The following DPP10 variants were observed in gnomAD, a reference collection of about 807,000 sequenced individuals.
The protein encoded by DPP10 is inactive dipeptidyl peptidase 10.
Under a neutral mutation model 120.9 loss-of-function variants are expected in DPP10, and 33 were observed. That is an observed-to-expected ratio of 0.27 (90% CI 0.21 to 0.37). The LOEUF is 0.37. Ranked by LOEUF, DPP10 falls within the 10% of genes least tolerant of loss-of-function variation. DPP10 has a pLI of 1.00. For synonymous variants in DPP10, 337 were observed against 326.1 expected, an observed-to-expected ratio of 1.03 and a Z score of -0.36; for missense variants, 816 against 942.8, an observed-to-expected ratio of 0.87 and a Z score of 1.76.
chr2:114,973,010 GT>G (rs1397490129), intron 1 of DPP10, among the ~76,000 whole-genome samples: 1 of 151,990 alleles, frequency 6.6e-6, no homozygotes, highest in African/African-American at 2.4e-5. Context: ...TTGTAATTTT[GT>G]TTATTTATTT....
chr2:115,460,635 A>T (rs10864940), intron 3 of DPP10, among the ~76,000 whole-genome samples: 1 of 151,888 alleles, frequency 6.6e-6, no homozygotes, highest in Non-Finnish European at 1.5e-5. Flanking sequence ...GTAGAGTTAC[A>T]TGATATTGTC....
Position 115,728,024 on chromosome 2 carries a change from A to G in DPP10, c.697+88A>G, listed in dbSNP as rs966974774. 4 of 1,420,158 alleles carry G rather than the reference A, an allele frequency of 2.8e-6. No homozygotes were observed. In the African/African-American group the frequency reaches 4.4e-5, roughly 16 times the overall value. The allele number at this position is 1,420,158 out of a possible 1,614,324, so 88.0% of individuals were successfully genotyped here. ...AAAAAAATCTATTCATTCCGGAGCA[A>G]TACTTACAGTACAGTTTCTTCTCAT... On this transcript the variant is annotated intron_variant, in intron 8 of 25. Coordinates refer to ENST00000410059, the MANE Select transcript of DPP10 (RefSeq NM_020868.6).
At chr2:114,548,010 T>C (rs1687562635) in intron 1 of DPP10, among the ~76,000 whole-genome samples, 1 of 152,076 alleles carries the variant, frequency 6.6e-6, no homozygotes, top group African/African-American at 2.4e-5. Flanking sequence ...GGACCACAGT[T>C]GACGTGGTCC....
intron 1 of DPP10, among the ~76,000 whole-genome samples, chr2:115,084,472 A>C (rs889072671): frequency 6.6e-6 from 1 of 152,242 alleles, no homozygotes; most frequent in Admixed American, 6.5e-5. Flanking sequence ...ATCTGACAAA[A>C]GGTTGTCAAG....
At chr2:115,251,316 A>C (rs2058740668) in intron 1 of DPP10, among the ~76,000 whole-genome samples, 1 of 152,182 alleles carries the variant, frequency 6.6e-6, no homozygotes, top group South Asian at 2.1e-4. Flanking sequence ...TGAGGCTGTC[A>C]CTGCCAAACA....
chr2:114,671,042 C>T (rs950091492), intron 1 of DPP10, among the ~76,000 whole-genome samples: 2 of 152,044 alleles, frequency 1.3e-5, no homozygotes, highest in Non-Finnish European at 2.9e-5. Flanking sequence ...CTGGAAATTA[C>T]AAGAATAAAA....
chr2:114,888,421 G>A (rs1346642314), intron 1 of DPP10, among the ~76,000 whole-genome samples: 1 of 151,970 alleles, frequency 6.6e-6, no homozygotes, highest in African/African-American at 2.4e-5. Context: ...CAAAATGACA[G>A]TTCTCAAAAA....
intron 3 of DPP10, among the ~76,000 whole-genome samples, chr2:115,435,506 T>C (rs1589085): frequency 0.6 from 90,671 of 151,380 alleles, 28,409 homozygotes; most frequent in Middle Eastern, 0.74. Context: ...TTTTGAGAAA[T>C]GTCTGTTCGG....
At position 114,829,873 on chromosome 2, in the gene DPP10, C is replaced by G. The variant is rs569992104; in HGVS notation, c.60+387035C>G. On this transcript the variant is annotated intron_variant, in intron 1 of 25. Coordinates refer to ENST00000410059, the MANE Select transcript of DPP10 (RefSeq NM_020868.6). ...CGTTTCCTTAAAAGAACACCCATTT[C>G]AGAACCCGTGTCGTCTCTTTTTCTT... 5.8e-4 allele frequency among the ~76,000 whole-genome samples: 89 copies of G among 152,248 alleles called. 1 individual carries two copies. The highest frequency in any genetic ancestry group is 2.9e-5 in the Non-Finnish European group (2 of 68,022).
intron 1 of DPP10, among the ~76,000 whole-genome samples, chr2:114,933,997 T>C (rs978991170): frequency 2.6e-5 from 4 of 152,224 alleles, no homozygotes; most frequent in Non-Finnish European, 4.4e-5. Flanking sequence ...GCTATTATTC[T>C]GAAACAGAAA....
chr2:115,138,189 A>AT (rs970296292), intron 1 of DPP10, among the ~76,000 whole-genome samples: 66 of 149,800 alleles, frequency 4.4e-4, no homozygotes, highest in African/African-American at 1.3e-3. Flanking sequence ...AAGCTTATCA[A>AT]TTTTTTTTTT....
chr2:115,777,354 C>CT, intron 14 of DPP10, 55 bp downstream of exon 14: 2 of 1,436,834 alleles, frequency 1.4e-6, no homozygotes, highest in African/African-American at 2.8e-5. Context: ...CAAATGCCAT[C>CT]TTTTCTAATA....
intron 7 of DPP10, among the ~76,000 whole-genome samples, chr2:115,720,146 C>T (rs2092608797): frequency 6.6e-6 from 1 of 152,140 alleles, no homozygotes; most frequent in Non-Finnish European, 1.5e-5. Flanking sequence ...TTTATTCTCC[C>T]ACCAGCAGTG....
chr2:115,629,218 G>A (rs1392361978), intron 5 of DPP10, among the ~76,000 whole-genome samples: 1 of 152,068 alleles, frequency 6.6e-6, no homozygotes, highest in African/African-American at 2.4e-5. Flanking sequence ...TCTATCATTG[G>A]TGGACATTTG....
intron 5 of DPP10, among the ~76,000 whole-genome samples, chr2:115,685,307 G>A (rs1417750508): frequency 6.6e-6 from 1 of 151,774 alleles, no homozygotes; most frequent in African/African-American, 2.4e-5. Context: ...AAATCACTTC[G>A]ACTAAGTCAA....
At chr2:115,568,237 C>T (rs2081125910) in intron 5 of DPP10, among the ~76,000 whole-genome samples, 1 of 150,962 alleles carries the variant, frequency 6.6e-6, no homozygotes, top group Non-Finnish European at 1.5e-5. Flanking sequence ...GTAATCCCAG[C>T]ACTGTGGGAG....
At chr2:114,880,695 T>C (rs1254677496) in intron 1 of DPP10, among the ~76,000 whole-genome samples, 2 of 151,974 alleles carry the variant, frequency 1.3e-5, no homozygotes, top group African/African-American at 4.8e-5. Context: ...TATAAAATGG[T>C]GAGGAAATAT....
At chr2:115,733,088 G>A (rs1162884079) in intron 8 of DPP10, among the ~76,000 whole-genome samples, 1 of 152,104 alleles carries the variant, frequency 6.6e-6, no homozygotes, top group African/African-American at 2.4e-5. Flanking sequence ...TGGGCCTTGT[G>A]TTGGTATTCA....
At chr2:115,557,959 C>G (rs2080320919) in intron 5 of DPP10, among the ~76,000 whole-genome samples, 1 of 152,160 alleles carries the variant, frequency 6.6e-6, no homozygotes, top group Non-Finnish European at 1.5e-5. Context: ...CATGGACTTA[C>G]ATGTTAAAGG....
Sources: allele counts gnomAD v4.1 joint callset (sites outside exome capture counted in the v4.1 genomes callset), GRCh38; gene constraint gnomAD v4.1.1; transcripts MANE v1.5; gene names NCBI Gene and HGNC (gene_info 2026-07-23, HGNC 2026-07-21).